BPTF: variants seen among roughly 807,000 people sequenced by gnomAD.
The protein encoded by BPTF is nucleosome-remodeling factor subunit BPTF.
BPTF carries 18 observed loss-of-function variants against 292.5 expected under a neutral mutation model. That is an observed-to-expected ratio of 0.06 (90% CI 0.04 to 0.09). The LOEUF is 0.09. BPTF is among the 10% of genes least tolerant of loss of function. The pLI is 1.00. For synonymous variants in BPTF, 1,225 were observed against 1,251.9 expected, an observed-to-expected ratio of 0.98 and a Z score of 0.45; for missense variants, 2,726 against 3,498.7, an observed-to-expected ratio of 0.78 and a Z score of 5.57.
At chr17:67,870,665 T>G (rs889163468) in intron 3 of BPTF, among the ~76,000 whole-genome samples, 1 of 151,742 alleles carries the variant, frequency 6.6e-6, no homozygotes, top group Non-Finnish European at 1.5e-5. Flanking sequence ...GGGGTTCTGA[T>G]AATAGCCAAG....
chr17:67,894,392 A>G (rs531112887), intron 7 of BPTF, among the ~76,000 whole-genome samples: 130 of 151,984 alleles, frequency 8.6e-4, no homozygotes, highest in African/African-American at 2.9e-3. Context: ...GCAGTGGTGT[A>G]GTCTCGGCTT....
rs1393288544 is a variant in BPTF at position 67,983,415 on chromosome 17, C to A, written c.*1127C>A. ...TACACATTGCCTTCATCTGTACATT[C>A]TGTGATACCAGGCAAATTACCAATT... On this transcript the variant is annotated 3_prime_UTR_variant, in exon 28 of 28. Coordinates refer to ENST00000306378, the MANE Select transcript of BPTF (RefSeq NM_182641.4). The A allele has an allele frequency of 6.6e-6, 1 of 152,638 alleles. No homozygotes were observed. Among genetic ancestry groups the A allele is most frequent in the Non-Finnish European group, 1.5e-5 (1 of 68,034 alleles). 9.5% of individuals were successfully genotyped at this position (152,638 alleles called of 1,614,324 possible). A position where few individuals can be genotyped will look rare whatever the true frequency, so the allele number is the denominator to read the frequency against.
intron 10 of BPTF, among the ~76,000 whole-genome samples, chr17:67,909,965 A>G (rs1466724350): frequency 2.6e-5 from 4 of 152,220 alleles, no homozygotes; most frequent in Non-Finnish European, 5.9e-5. Context: ...TATTACATCA[A>G]TCTTAGAACA....
intron 23 of BPTF, 47 bp from the exon 24 acceptor site, chr17:67,959,494 T>C: frequency 1.4e-6 from 2 of 1,422,928 alleles, no homozygotes; most frequent in Non-Finnish European, 1.9e-6. Flanking sequence ...GATCACACAT[T>C]TACATGACTC....
At position 67,945,640 on chromosome 17, in the gene BPTF, C is replaced by G; in HGVS notation, c.6932C>G (p.Ser2311Cys). 2 of 1,614,046 alleles carry G rather than the reference C, an allele frequency of 1.2e-6. No individual in the cohort carries two copies. The highest frequency in any genetic ancestry group is 1.1e-5 in the South Asian group (1 of 91,070). ...ACAACTGTTTCATCCCATGTCCCTTCTGAAGCACAACCCACCCACGCACAG... is the reference window on the plus strand; with the variant it reads ...ACAACTGTTTCATCCCATGTCCCTTGTGAAGCACAACCCACCCACGCACAG... The part of the protein sequence containing the change: ...TQTTVSSHVP[S>C]EAQPTHAQSS... Residue 2311 changes from serine (S) to cysteine (C), a missense_variant, in exon 21 of 28, where the codon TCT becomes TGT. Physicochemically the swap from Ser to Cys is moderately radical, Grantham distance 112 (BLOSUM62 -1). Transcript: ENST00000306378.
Position 67,911,528 on chromosome 17 carries a change from T to C in BPTF, c.3644T>C (p.Ile1215Thr), listed in dbSNP as rs139231512. Reference protein sequence around the residue: ...KSKTKGNDFFIDDSKLASADD... With the variant: ...KSKTKGNDFFTDDSKLASADD... ...AAAACAAAAGGAAATGATTTTTTCA[T>C]CGATGACTCTAAACTAGCCAGTGCA... is the stretch of plus-strand genomic sequence containing the variant. Residue 1215 changes from isoleucine (I) to threonine (T), a missense_variant, in exon 11 of 28, where the codon ATC becomes ACC. Ile to Thr is a moderately conservative substitution (Grantham distance 89). Coordinates refer to ENST00000306378, the MANE Select transcript of BPTF (RefSeq NM_182641.4). The C allele has an allele frequency of 1.3e-3, 2,079 of 1,613,614 alleles. 1 individual carries two copies. Among genetic ancestry groups the C allele is most frequent in the Non-Finnish European group, 1.6e-3 (1,842 of 1,179,912 alleles).
rs1599042730 is a variant in BPTF at position 67,975,530 on chromosome 17, T to C, written c.8540-242T>C. 13 of 410,924 alleles carry C rather than the reference T, an allele frequency of 3.2e-5. No homozygotes were observed. In the East Asian group the frequency reaches 5.2e-4, roughly 17 times the overall value. 25.5% of individuals were successfully genotyped at this position (410,924 alleles called of 1,614,324 possible). The stretch of plus-strand genomic sequence containing the variant: ...TTGAATGAAGAACGGTTCTGTGCAG[T>C]TACCTGAAAGTAAAAGAACCTTAAC... On this transcript the variant is annotated intron_variant, in intron 26 of 27. Transcript: ENST00000306378.
At chr17:67,909,346 C>G (rs1258898670) in intron 9 of BPTF, among the ~76,000 whole-genome samples, 1 of 134,736 alleles carries the variant, frequency 7.4e-6, no homozygotes, top group Non-Finnish European at 1.6e-5. Flanking sequence ...AAAATGTTCA[C>G]AAAGTTTTCT....
Position 67,918,595 on chromosome 17 carries a change from T to C in BPTF, c.5304-119T>C, listed in dbSNP as rs537997568. On this transcript the variant is annotated intron_variant, in intron 11 of 27. Transcript: ENST00000306378. ...AAGTCTTACAAAACCATATTATAAA[T>C]ACTGGAGTCCTAATGAGGACAAGAA... 5.4e-5 allele frequency: 47 copies of C among 863,688 alleles called. 1 individual carries two copies. In the East Asian group the frequency reaches 1.3e-3, roughly 23 times the overall value. The allele number at this position is 863,688 out of a possible 1,614,324, so 53.5% of individuals were successfully genotyped here. A position where few individuals can be genotyped will look rare whatever the true frequency, so the allele number is the denominator to read the frequency against.
Position 67,854,421 on chromosome 17 carries a change from G to C in BPTF, c.1095G>C (p.Gln365His). ...TAGAGAACAAGATCAAAGTTCTACAGTTTCTAGTCGATCAGTTTCTTACAA... is the reference window on the plus strand; with the variant it reads ...TAGAGAACAAGATCAAAGTTCTACACTTTCTAGTCGATCAGTTTCTTACAA... Reference protein sequence around the residue: ...GPVENKIKVLQFLVDQFLTTN... With the variant: ...GPVENKIKVLHFLVDQFLTTN... The change falls in exon 2 of 28, where the codon CAG becomes CAC. Residue 365 changes from glutamine to histidine, a missense_variant. By Grantham distance (24) the Gln-to-His change is conservative. Around this residue, in one of 22 missense-constraint regions of BPTF, gnomAD observed 102 missense variants for 212.6 expected, o/e 0.48. Transcript: ENST00000306378. This position sits in a 1 kb window ranked among gnomAD's most constrained non-coding sequence, Gnocchi z 5.6. 6.2e-7 allele frequency: 1 copy of C among 1,614,192 alleles called. No homozygotes were observed. Among genetic ancestry groups the C allele is most frequent in the South Asian group, 1.1e-5 (1 of 91,082 alleles).
At chr17:67,960,918 A>C (rs1169038466) in intron 24 of BPTF, among the ~76,000 whole-genome samples, 3 of 152,246 alleles carry the variant, frequency 2.0e-5, no homozygotes, top group African/African-American at 7.2e-5. Context: ...TGAATTAAAC[A>C]GAAATCAATT....
chr17:67,871,815 G>T (rs1343139116), intron 3 of BPTF, among the ~76,000 whole-genome samples: 2 of 151,914 alleles, frequency 1.3e-5, no homozygotes, highest in East Asian at 1.9e-4. Context: ...TCTTTTTGTT[G>T]TTGTTGTTTG....
In BPTF at chr17:67,948,296, T is replaced by C. The variant is rs2065960258; in HGVS notation, c.7916T>C (p.Ile2639Thr). The C allele has an allele frequency of 6.2e-7, 1 of 1,612,688 alleles. No individual in the cohort carries two copies. Among genetic ancestry groups the C allele is most frequent in the East Asian group, 2.2e-5 (1 of 44,866 alleles). The stretch of plus-strand genomic sequence containing the variant: ...GCACTCCTGGACAAGGATCTGCAAA[T>C]TGAAGTGCAGGTAAGAGGGCACATC... ...KRALLDKDLQ[I>T]EVQEELKRDL... Residue 2639 changes from isoleucine to threonine, a missense_variant, in exon 23 of 28, where the codon ATT (isoleucine) becomes ACT (threonine). Physicochemically the swap from Ile to Thr is moderately conservative, Grantham distance 89 (BLOSUM62 -1). Around this residue, in one of 22 missense-constraint regions of BPTF, gnomAD observed 148 missense variants for 145.5 expected, o/e 1.02. Coordinates refer to ENST00000306378, the MANE Select transcript of BPTF (RefSeq NM_182641.4).
At chr17:67,832,681 G>A (rs1324293711) in intron 1 of BPTF, among the ~76,000 whole-genome samples, 2 of 150,726 alleles carry the variant, frequency 1.3e-5, no homozygotes, top group African/African-American at 2.4e-5. Context: ...TTATACCCCC[G>A]CAAAAGAAGC....
At position 67,910,861 on chromosome 17, in the gene BPTF, T is replaced by C; in HGVS notation, c.2993-16T>C. 6.6e-7 allele frequency: 1 copy of C among 1,523,064 alleles called. No homozygotes were observed. Among genetic ancestry groups the C allele is most frequent in the African/African-American group, 1.4e-5 (1 of 71,364 alleles). The allele number at this position is 1,523,064 out of a possible 1,614,324, so 94.3% of individuals were successfully genotyped here. A position where few individuals can be genotyped will look rare whatever the true frequency, so the allele number is the denominator to read the frequency against. On this transcript the variant is annotated splice_polypyrimidine_tract_variant and intron_variant, in intron 10 of 27. Transcript: ENST00000306378. ...AGAGTAAAAATTACATTTATATAAA[T>C]GTCTTTGTTTCACAGATGTGAAGGA...
At chr17:67,926,285 G>A (rs910013520) in intron 15 of BPTF, among the ~76,000 whole-genome samples, 3 of 144,468 alleles carry the variant, frequency 2.1e-5, no homozygotes, top group Non-Finnish European at 4.5e-5. Context: ...CTGAGATAGC[G>A]AGCACCACTG....
At chr17:67,843,249 T>C (rs1165350182) in intron 1 of BPTF, among the ~76,000 whole-genome samples, 2 of 150,368 alleles carry the variant, frequency 1.3e-5, no homozygotes, top group East Asian at 1.9e-4. Context: ...TACATGTAAA[T>C]ATATATCTAC....
chr17:67,827,879 C>T (rs2056241697), intron 1 of BPTF, among the ~76,000 whole-genome samples: 1 of 149,950 alleles, frequency 6.7e-6, no homozygotes, highest in Non-Finnish European at 1.5e-5. Flanking sequence ...GTATTTATGT[C>T]TTATATGTAG....
chr17:67,967,775 C>T (rs539407523), intron 26 of BPTF, among the ~76,000 whole-genome samples: 25 of 150,032 alleles, frequency 1.7e-4, no homozygotes, highest in Admixed American at 9.9e-4. Flanking sequence ...GCTGAGATCA[C>T]GCCACTGCAT....
Sources: allele counts gnomAD v4.1 joint callset (sites outside exome capture counted in the v4.1 genomes callset), GRCh38; gene constraint gnomAD v4.1.1; regional missense constraint gnomAD v4.1.1; non-coding constraint Gnocchi (gnomAD v3.1); transcripts MANE v1.5; gene names NCBI Gene and HGNC (gene_info 2026-07-23, HGNC 2026-07-21).